The following VAX1 variants were observed in gnomAD, a reference collection of about 807,000 sequenced individuals.
The protein encoded by VAX1 is ventral anterior homeobox 1.
A neutral mutation model predicts 17.6 loss-of-function variants in VAX1; 6 were observed. The ratio of observed to expected loss-of-function variants is 0.34; its 90% CI spans 0.19 to 0.67. VAX1 has a LOEUF of 0.67. Ranked by LOEUF, VAX1 falls within the 30% of genes least tolerant of loss-of-function variation. The pLI is 0.69. For synonymous variants in VAX1, 256 were observed against 227.4 expected, an observed-to-expected ratio of 1.13 and a Z score of -1.13; for missense variants, 408 against 463.7, an observed-to-expected ratio of 0.88 and a Z score of 1.10.
chr10:117,134,883 C>T lies in VAX1; in HGVS notation c.430-300G>A, dbSNP rs965964742. 2.0e-5 allele frequency among the ~76,000 whole-genome samples: 3 copies of T among 152,170 alleles called. No individual in the cohort carries two copies. Among genetic ancestry groups the T allele is most frequent in the Non-Finnish European group, 4.4e-5 (3 of 68,036 alleles). On this transcript the variant is annotated intron_variant, in intron 2 of 2. Transcript: ENST00000369206. The surrounding 1 kb of genome is among the most constrained non-coding windows in gnomAD (Gnocchi z 6.2). Reference sequence around the variant, plus strand: ...CCACGGCAGGAACTCGAAGGAAGACCGGAAAGGGTTTCACTGGCTTCCGCG... The same window carrying T: ...CCACGGCAGGAACTCGAAGGAAGACTGGAAAGGGTTTCACTGGCTTCCGCG...
At position 117,136,393 on chromosome 10, in the gene VAX1, G is replaced by A; in HGVS notation, c.429+79C>T. The A allele has an allele frequency of 1.3e-6, 2 of 1,565,046 alleles. No individual in the cohort carries two copies. Among genetic ancestry groups the A allele is most frequent in the Admixed American group, 1.7e-5 (1 of 57,300 alleles). On this transcript the variant is annotated intron_variant, in intron 2 of 2. Transcript: ENST00000369206. This position sits in a 1 kb window ranked among gnomAD's most constrained non-coding sequence, Gnocchi z 5.0. Reference sequence around the variant, plus strand: ...GGGTAGTTCTGTCCAGAGCAGGTTAGGAGGTGAAGAGCAGGCTAGGTAGGG... The same window carrying A: ...GGGTAGTTCTGTCCAGAGCAGGTTAAGAGGTGAAGAGCAGGCTAGGTAGGG...
downstream of VAX1, chr10:117,129,917 C>T (rs1318651851): frequency 1.3e-5 from 2 of 151,970 alleles, no homozygotes; most frequent in Admixed American, 6.6e-5. Context: ...AGTAAATCCT[C>T]AGCAGCTGGT....
In VAX1 at chr10:117,137,714, C is replaced by T. The variant is rs1854207357; in HGVS notation, c.241+102G>A. ...GGGCCAACAACTTTCTCCCAAGTCCCAGCCGGCACTCCTTCCCACCGGCCT... is the reference window on the plus strand; with the variant it reads ...GGGCCAACAACTTTCTCCCAAGTCCTAGCCGGCACTCCTTCCCACCGGCCT... On this transcript the variant is annotated intron_variant, in intron 1 of 2. Coordinates refer to ENST00000369206, the MANE Select transcript of VAX1 (RefSeq NM_001112704.2). The surrounding 1 kb of genome is among the most constrained non-coding windows in gnomAD (Gnocchi z 7.4). The T allele has an allele frequency of 6.3e-7, 1 of 1,591,732 alleles. No individual in the cohort carries two copies. Among genetic ancestry groups the T allele is most frequent in the Non-Finnish European group, 8.5e-7 (1 of 1,177,380 alleles).
rs1022982517 is a variant in VAX1 at position 117,137,150 on chromosome 10, C to T, written c.242-491G>A. Among the ~76,000 whole-genome samples, 1 of 151,810 alleles carries T rather than the reference C, an allele frequency of 6.6e-6. No homozygotes were observed. The highest frequency in any genetic ancestry group is 1.5e-5 in the Non-Finnish European group (1 of 67,886). On this transcript the variant is annotated intron_variant, in intron 1 of 2. Coordinates refer to ENST00000369206, the MANE Select transcript of VAX1 (RefSeq NM_001112704.2). This position sits in a 1 kb window ranked among gnomAD's most constrained non-coding sequence, Gnocchi z 7.4. ...GGACTGAGTCGGGGCCGGCCGGGCC[C>T]GGAGATCTGCTGCTGGCTGGGGCGG... is the stretch of plus-strand genomic sequence containing the variant.
chr10:117,138,158 A>AC lies in VAX1; in HGVS notation c.-103dup, dbSNP rs1854225132. 8.6e-7 allele frequency: 1 copy of AC among 1,163,024 alleles called. No homozygotes were observed. Among genetic ancestry groups the AC allele is most frequent in the South Asian group, 1.4e-5 (1 of 70,418 alleles). The allele number at this position is 1,163,024 out of a possible 1,614,324, so 72.0% of individuals were successfully genotyped here. A position where few individuals can be genotyped will look rare whatever the true frequency, so the allele number is the denominator to read the frequency against. ...AAAAAAAGAGGAAAAAGGGGACAAA[A>AC]CCCCCGACAACGCGGCCCGTACGCC... On this transcript the variant is annotated 5_prime_UTR_variant, in exon 1 of 3. Transcript: ENST00000369206.
In VAX1 at chr10:117,134,278, C is replaced by T. The variant is rs1486123564; in HGVS notation, c.735G>A (p.Pro245=). ...GPAGAASPHP[P]AVGGAPGPGP... is the part of the protein sequence containing the mutation. ...CGGGACCTGGAGCACCGCCCACAGC[C>T]GGCGGGTGCGGGGATGCAGCGCCCG... The change falls in exon 3 of 3, where the codon CCG becomes CCA. Residue 245 remains proline (P), a synonymous_variant. Transcript: ENST00000369206. The surrounding 1 kb of genome is among the most constrained non-coding windows in gnomAD (Gnocchi z 6.2). 6 of 1,255,658 alleles carry T rather than the reference C, an allele frequency of 4.8e-6. No individual in the cohort carries two copies. Among genetic ancestry groups the T allele is most frequent in the African/African-American group, 1.6e-5 (1 of 63,480 alleles). 77.8% of individuals were successfully genotyped at this position (1,255,658 alleles called of 1,614,324 possible).
At position 117,134,059 on chromosome 10, in the gene VAX1, A is replaced by T. The variant is rs1056910734; in HGVS notation, c.954T>A (p.Pro318=). The T allele has an allele frequency of 3.9e-6, 6 of 1,534,870 alleles. No individual in the cohort carries two copies. Among genetic ancestry groups the T allele is most frequent in the South Asian group, 2.5e-5 (2 of 81,594 alleles). ...CTTCTTTATTGTTGGTCCGGGAGTAAGGCTCGAAGGCCGAGGAGCTCAGAT... is the reference window on the plus strand; with the variant it reads ...CTTCTTTATTGTTGGTCCGGGAGTATGGCTCGAAGGCCGAGGAGCTCAGAT... ...ARYLSSSAFE[P]YSRTNNKEGA... is the part of the protein sequence containing the mutation. The change falls in exon 3 of 3, where the codon CCT becomes CCA. Residue 318 remains proline (P), a synonymous_variant. Transcript: ENST00000369206. This position sits in a 1 kb window ranked among gnomAD's most constrained non-coding sequence, Gnocchi z 6.2.
Position 117,133,826 on chromosome 10 carries a change from G to GAA in VAX1, c.*180_*181dup. 5.6e-6 allele frequency: 7 copies of GAA among 1,256,884 alleles called. No individual in the cohort carries two copies. Among genetic ancestry groups the GAA allele is most frequent in the Admixed American group, 4.4e-5 (1 of 22,592 alleles). 77.9% of individuals were successfully genotyped at this position (1,256,884 alleles called of 1,614,324 possible). On this transcript the variant is annotated 3_prime_UTR_variant, in exon 3 of 3. Transcript: ENST00000369206. ...GAGGAATCTCAGAGGAAAGGTAGTA[G>GAA]AAAAAAAAAATAGCCCGAATGAGAT... is the stretch of plus-strand genomic sequence containing the variant.
At chr10:117,133,208 G>C (rs1854114661), downstream of VAX1, 1 of 891,932 alleles carries the variant, frequency 1.1e-6, no homozygotes. Flanking sequence ...GCATTGCCCT[G>C]TGGGGCATTC....
Position 117,133,376 on chromosome 10 carries a change from G to A in VAX1, c.*632C>T. ...ACTACGACGTTTGTTACTGTTTCCTGGGGTCGGGGGTGGTTGTGATTGGAG... is the reference window on the plus strand; with the variant it reads ...ACTACGACGTTTGTTACTGTTTCCTAGGGTCGGGGGTGGTTGTGATTGGAG... On this transcript the variant is annotated 3_prime_UTR_variant, in exon 3 of 3. Transcript: ENST00000369206. The A allele has an allele frequency of 1.0e-6, 1 of 985,594 alleles. No homozygotes were observed. 61.1% of individuals were successfully genotyped at this position (985,594 alleles called of 1,614,324 possible).
chr10:117,135,295 G>A, intron 2 of VAX1, among the ~76,000 whole-genome samples: 1 of 152,206 alleles, frequency 6.6e-6, no homozygotes. Context: ...AGGGTCTGGT[G>A]ATACTCTTAG....
At chr10:117,132,387 A>G, downstream of VAX1, 3 of 1,611,330 alleles carry the variant, frequency 1.9e-6, no homozygotes, top group Non-Finnish European at 2.5e-6. The surrounding 1 kb of genome is among the most constrained non-coding windows in gnomAD (Gnocchi z 4.9). Flanking sequence ...AAAACATCCA[A>G]ATATCCAAAA....
At position 117,138,128 on chromosome 10, in the gene VAX1, G is replaced by T; in HGVS notation, c.-72C>A. 2.7e-6 allele frequency: 2 copies of T among 734,148 alleles called. No individual in the cohort carries two copies. The highest frequency in any genetic ancestry group is 1.7e-5 in the South Asian group (1 of 60,060). 45.5% of individuals were successfully genotyped at this position (734,148 alleles called of 1,614,324 possible). On this transcript the variant is annotated 5_prime_UTR_variant, in exon 1 of 3. Transcript: ENST00000369206. ...AAAAAAAAGGGGGGGGGGCGGAGAA[G>T]GAAAAAAAAAAGAGGAAAAAGGGGA...
rs1564971513 is a variant in VAX1, at chr10:117,136,142, G to A, written c.429+330C>T. Among the ~76,000 whole-genome samples the A allele has an allele frequency of 1.3e-5, 2 of 152,264 alleles. No homozygotes were observed. The highest frequency in any genetic ancestry group is 2.9e-5 in the Non-Finnish European group (2 of 68,050). ...GTACCCCAAACAAGGGCAAAAGTCA[G>A]TTCTTTGTAGAGCAGAAGCTCGAAG... On this transcript the variant is annotated intron_variant, in intron 2 of 2. Transcript: ENST00000369206. This position sits in a 1 kb window ranked among gnomAD's most constrained non-coding sequence, Gnocchi z 5.0.
downstream of VAX1, chr10:117,133,222 A>G (rs1854114843): frequency 4.2e-6 from 4 of 954,848 alleles, no homozygotes; most frequent in Non-Finnish European, 5.0e-6. Context: ...GGCATTCTGT[A>G]TCCTGAATTT....
rs1350785825 is a variant in VAX1, at chr10:117,136,904, G to A, written c.242-245C>T. 6.6e-6 allele frequency among the ~76,000 whole-genome samples: 1 copy of A among 152,150 alleles called. No homozygotes were observed. The highest frequency in any genetic ancestry group is 2.1e-4 in the South Asian group (1 of 4,828). ...TGTAGAGTCCTCCAGACAGGGGAGA[G>A]AAAAAAATCCAATCAATTCCACATA... On this transcript the variant is annotated intron_variant, in intron 1 of 2. Transcript: ENST00000369206. This position sits in a 1 kb window ranked among gnomAD's most constrained non-coding sequence, Gnocchi z 5.0.
In VAX1 at chr10:117,134,630, C is replaced by T; in HGVS notation, c.430-47G>A. ...GAGTTGGAGAGAGGGGCAGGGAAGA[C>T]CAGCGTCAAAGGAAGCGAGCTCCCG... is the stretch of plus-strand genomic sequence containing the variant. On this transcript the variant is annotated intron_variant, in intron 2 of 2. Coordinates refer to ENST00000369206, the MANE Select transcript of VAX1 (RefSeq NM_001112704.2). This position sits in a 1 kb window ranked among gnomAD's most constrained non-coding sequence, Gnocchi z 6.2. 3.4e-6 allele frequency: 5 copies of T among 1,455,652 alleles called. No individual in the cohort carries two copies. The highest frequency in any genetic ancestry group is 3.6e-6 in the Non-Finnish European group (4 of 1,103,054). 90.2% of individuals were successfully genotyped at this position (1,455,652 alleles called of 1,614,324 possible).
At position 117,133,536 on chromosome 10, in the gene VAX1, C is replaced by T. The variant is rs1854118400; in HGVS notation, c.*472G>A. The T allele has an allele frequency of 6.1e-6, 6 of 985,758 alleles. No individual in the cohort carries two copies. Among genetic ancestry groups the T allele is most frequent in the African/African-American group, 3.5e-5 (2 of 57,374 alleles). 61.1% of individuals were successfully genotyped at this position (985,758 alleles called of 1,614,324 possible). A position where few individuals can be genotyped will look rare whatever the true frequency, so the allele number is the denominator to read the frequency against. ...TGGTTTCCCTGGCAAGAGGAAGGAACGTCCTCCTTTTTTGGTCTAAAGAAA... is the reference window on the plus strand; with the variant it reads ...TGGTTTCCCTGGCAAGAGGAAGGAATGTCCTCCTTTTTTGGTCTAAAGAAA... On this transcript the variant is annotated 3_prime_UTR_variant, in exon 3 of 3. Coordinates refer to ENST00000369206, the MANE Select transcript of VAX1 (RefSeq NM_001112704.2).
rs760967763 is a variant in VAX1 at position 117,133,961 on chromosome 10, TCAC to T, written c.*44_*46del. 524 of 1,463,226 alleles carry T rather than the reference TCAC, an allele frequency of 3.6e-4. No individual in the cohort carries two copies. Among genetic ancestry groups the T allele is most frequent in the Admixed American group, 4.6e-4 (15 of 32,490 alleles). 90.6% of individuals were successfully genotyped at this position (1,463,226 alleles called of 1,614,324 possible). A position where few individuals can be genotyped will look rare whatever the true frequency, so the allele number is the denominator to read the frequency against. Reference sequence around the variant, plus strand: ...CCTAATGCGCGTGAGTCCATAAATATCACCACAATAGATACTATAAATATAAAT... The same window carrying T: ...CCTAATGCGCGTGAGTCCATAAATATCACAATAGATACTATAAATATAAAT... On this transcript the variant is annotated 3_prime_UTR_variant, in exon 3 of 3. Transcript: ENST00000369206.
Sources: allele counts gnomAD v4.1 joint callset (sites outside exome capture counted in the v4.1 genomes callset), GRCh38; gene constraint gnomAD v4.1.1; non-coding constraint Gnocchi (gnomAD v3.1); transcripts MANE v1.5; gene names NCBI Gene and HGNC (gene_info 2026-07-23, HGNC 2026-07-21).